LRFN3: variants seen among roughly 807,000 people sequenced by gnomAD.
LRFN3 encodes leucine rich repeat and fibronectin type III domain containing 3.
A neutral mutation model predicts 23.8 loss-of-function variants in LRFN3; 8 were observed. That is an observed-to-expected ratio of 0.34 (90% CI 0.20 to 0.61). The LOEUF is 0.61. Ranked by LOEUF, LRFN3 falls within the 20% of genes least tolerant of loss-of-function variation. LRFN3 has a pLI of 0.80. For missense variants in LRFN3, 736 were observed against 935.3 expected (o/e 0.79, Z 2.78); for synonymous variants, 451 against 450.6 (o/e 1.00, Z -0.01).
At chr19:35,938,438 G>A (rs527566438) in intron 1 of LRFN3, among the ~76,000 whole-genome samples, 4 of 129,478 alleles carry the variant, frequency 3.1e-5, no homozygotes, top group Admixed American at 7.8e-5. Flanking sequence ...CTTTTCTCTC[G>A]CTCGCTGATG....
At chr19:35,941,251 G>A (rs1376390073) in intron 2 of LRFN3, among the ~76,000 whole-genome samples, 1 of 150,260 alleles carries the variant, frequency 6.7e-6, no homozygotes, top group Non-Finnish European at 1.5e-5. Flanking sequence ...AGTAATCAGG[G>A]CAGAAGAATA....
In LRFN3 at chr19:35,939,041, C is replaced by T. The variant is rs1258507832; in HGVS notation, c.-16-369C>T. 6.6e-6 allele frequency among the ~76,000 whole-genome samples: 1 copy of T among 152,200 alleles called. No individual in the cohort carries two copies. The highest frequency in any genetic ancestry group is 1.5e-5 in the Non-Finnish European group (1 of 68,036). On this transcript the variant is annotated intron_variant, in intron 1 of 2. Transcript: ENST00000246529. The surrounding 1 kb of genome is among the most constrained non-coding windows in gnomAD (Gnocchi z 6.4). Reference sequence around the variant, plus strand: ...TGGCGCAATCATAGCTCACTGCAGCCTCAAATTCTTGGGCTCAAATTGATC... The same window carrying T: ...TGGCGCAATCATAGCTCACTGCAGCTTCAAATTCTTGGGCTCAAATTGATC...
At position 35,944,843 on chromosome 19, in the gene LRFN3, G is replaced by C. The variant is rs373655227; in HGVS notation, c.1711G>C (p.Gly571Arg). The C allele has an allele frequency of 6.2e-7, 1 of 1,604,972 alleles. No homozygotes were observed. The highest frequency in any genetic ancestry group is 1.3e-5 in the African/African-American group (1 of 74,958). The change falls in exon 3 of 3, where the codon GGC becomes CGC. Residue 571 changes from glycine to arginine, a missense_variant. This residue lies in a region of LRFN3 where 290 missense variants were observed against 287.4 expected (regional missense o/e 1.01). Coordinates refer to ENST00000246529, the MANE Select transcript of LRFN3 (RefSeq NM_024509.2). This position sits in a 1 kb window ranked among gnomAD's most constrained non-coding sequence, Gnocchi z 4.5. ...RYKVHGGQPP[G>R]KAKIPAPVSS... ...CAAGGTGCACGGCGGCCAGCCCCCCGGCAAGGCCAAGATTCCCGCGCCTGT... is the reference window on the plus strand; with the variant it reads ...CAAGGTGCACGGCGGCCAGCCCCCCCGCAAGGCCAAGATTCCCGCGCCTGT...
chr19:35,938,438 G>T (rs527566438), intron 1 of LRFN3, among the ~76,000 whole-genome samples: 1 of 129,480 alleles, frequency 7.7e-6, no homozygotes, highest in South Asian at 2.5e-4. Context: ...CTTTTCTCTC[G>T]CTCGCTGATG....
At position 35,937,869 on chromosome 19, in the gene LRFN3, C is replaced by T. The variant is rs564482962; in HGVS notation, c.-17+314C>T. ...CTTGTCCACCACTCCTCTCTCTGGG[C>T]TCCTTTCTCCACCTGTCCTCTCAAT... On this transcript the variant is annotated intron_variant, in intron 1 of 2. Transcript: ENST00000246529. 1.9e-3 allele frequency among the ~76,000 whole-genome samples: 284 copies of T among 152,094 alleles called. 1 individual carries two copies. Among genetic ancestry groups the T allele is most frequent in the African/African-American group, 6.6e-3 (275 of 41,472 alleles).
chr19:35,940,622 C>A lies in LRFN3; in HGVS notation c.1197C>A (p.Pro399=). The A allele has an allele frequency of 6.2e-7, 1 of 1,610,102 alleles. No individual in the cohort carries two copies. Among genetic ancestry groups the A allele is most frequent in the South Asian group, 1.1e-5 (1 of 90,982 alleles). The change falls in exon 2 of 3, where the codon CCC becomes CCA. Residue 399 remains proline, a synonymous_variant. Coordinates refer to ENST00000246529, the MANE Select transcript of LRFN3 (RefSeq NM_024509.2). ...PQLANSTSCD[P]PRDGDPDALT... Reference sequence around the variant, plus strand: ...TAGCCAACAGCACCAGCTGTGACCCCCCGCGGGACGGGGATCCTGATGCTC... The same window carrying A: ...TAGCCAACAGCACCAGCTGTGACCCACCGCGGGACGGGGATCCTGATGCTC...
intron 1 of LRFN3, among the ~76,000 whole-genome samples, chr19:35,938,881 C>T (rs1184339476): frequency 6.6e-6 from 1 of 152,190 alleles, no homozygotes; most frequent in East Asian, 1.9e-4. Flanking sequence ...CCAGCTTTTA[C>T]CATCTCTGAC....
At chr19:35,940,876 G>A in intron 2 of LRFN3, 36 bp downstream of exon 2, 5 of 1,493,144 alleles carry the variant, frequency 3.3e-6, no homozygotes, top group Non-Finnish European at 2.7e-6. Context: ...CTTGGGTGGG[G>A]GAGTGAGGCA....
At chr19:35,937,842 C>G (rs1347130608) in intron 1 of LRFN3, among the ~76,000 whole-genome samples, 1 of 152,202 alleles carries the variant, frequency 6.6e-6, no homozygotes, top group East Asian at 1.9e-4. Flanking sequence ...TCCGCCACCT[C>G]TCTTGTCCAC....
Position 35,945,055 on chromosome 19 carries a change from A to G in LRFN3, c.*36A>G. ...CCCCCTCTAAGGGTCCTCTGGCCCC[A>G]CGGACAGCAGGACCCGGACACCCTG... On this transcript the variant is annotated 3_prime_UTR_variant, in exon 3 of 3. Coordinates refer to ENST00000246529, the MANE Select transcript of LRFN3 (RefSeq NM_024509.2). 4.0e-6 allele frequency: 5 copies of G among 1,236,796 alleles called. No individual in the cohort carries two copies. Among genetic ancestry groups the G allele is most frequent in the Non-Finnish European group, 5.3e-6 (5 of 950,112 alleles). 76.6% of individuals were successfully genotyped at this position (1,236,796 alleles called of 1,614,324 possible). A position where few individuals can be genotyped will look rare whatever the true frequency, so the allele number is the denominator to read the frequency against.
chr19:35,940,984 A>G lies in LRFN3; in HGVS notation c.1415+144A>G, dbSNP rs79200626. On this transcript the variant is annotated intron_variant, in intron 2 of 2. Transcript: ENST00000246529. Reference sequence around the variant, plus strand: ...CAAAAGAAATCAGAGAGCAAAAGTAAAAGAAATCAGGCAGCAAGGATAACA... The same window carrying G: ...CAAAAGAAATCAGAGAGCAAAAGTAGAAGAAATCAGGCAGCAAGGATAACA... 2,431 of 1,275,308 alleles carry G rather than the reference A, an allele frequency of 1.9e-3. 37 individuals are homozygous for G. The African/African-American group carries it at 0.031, about 17-fold the overall frequency. The allele number at this position is 1,275,308 out of a possible 1,614,324, so 79.0% of individuals were successfully genotyped here.
At chr19:35,942,747 G>A (rs1048486093) in intron 2 of LRFN3, among the ~76,000 whole-genome samples, 2 of 152,008 alleles carry the variant, frequency 1.3e-5, no homozygotes, top group African/African-American at 2.4e-5. Flanking sequence ...CACACAAGTC[G>A]GCCAGGCGCG....
rs914134840 is a variant in LRFN3, at chr19:35,946,209, C to T, written c.*1190C>T. Among the ~76,000 whole-genome samples, 1 of 151,978 alleles carries T rather than the reference C, an allele frequency of 6.6e-6. No homozygotes were observed. Among genetic ancestry groups the T allele is most frequent in the Non-Finnish European group, 1.5e-5 (1 of 67,990 alleles). Reference sequence around the variant, plus strand: ...TGGCATTCAGGAGGGTGCAGGACCCCTGGTCTGAGGCTGAAGCTGGAAATA... The same window carrying T: ...TGGCATTCAGGAGGGTGCAGGACCCTTGGTCTGAGGCTGAAGCTGGAAATA... On this transcript the variant is annotated 3_prime_UTR_variant, in exon 3 of 3. Coordinates refer to ENST00000246529, the MANE Select transcript of LRFN3 (RefSeq NM_024509.2).
chr19:35,941,358 C>A (rs1177840309), intron 2 of LRFN3, among the ~76,000 whole-genome samples: 1 of 152,070 alleles, frequency 6.6e-6, no homozygotes, highest in East Asian at 1.9e-4. Flanking sequence ...TTCCAGATGA[C>A]AGGACTAGAT....
chr19:35,941,586 T>G (rs1976122484), intron 2 of LRFN3, among the ~76,000 whole-genome samples: 1 of 152,158 alleles, frequency 6.6e-6, no homozygotes. Flanking sequence ...TTTTTTTTTT[T>G]GAGACAGGGT....
chr19:35,940,249 C>A lies in LRFN3; in HGVS notation c.824C>A (p.Pro275Gln). 6.2e-7 allele frequency: 1 copy of A among 1,606,084 alleles called. No homozygotes were observed. ...GACGACCTCGAGGCCTGCGCGTCCC[C>A]ACCTGCTCTGGGCGGCCGCTACTTC... The part of the protein sequence containing the change: ...REDDLEACAS[P>Q]PALGGRYFWA... The change falls in exon 2 of 3, where the codon CCA (proline) becomes CAA (glutamine). Residue 275 changes from proline (P) to glutamine (Q), a missense_variant. By Grantham distance (76) the Pro-to-Gln change is moderately conservative. Transcript: ENST00000246529.
rs753003255 is a variant in LRFN3, at chr19:35,944,918, C to T, written c.1786C>T (p.Pro596Ser). The change falls in exon 3 of 3, where the codon CCC becomes TCC. Residue 596 changes from proline to serine, a missense_variant. Transcript: ENST00000246529. This position sits in a 1 kb window ranked among gnomAD's most constrained non-coding sequence, Gnocchi z 4.5. ...TNGALGPTPT[P>S]APPAPEPAAL... is the part of the protein sequence containing the mutation. ...CGGCGCCCTGGGCCCCACGCCCACG[C>T]CCGCCCCGCCCGCCCCGGAGCCCGC... The T allele has an allele frequency of 5.2e-6, 8 of 1,535,196 alleles. No homozygotes were observed. Among genetic ancestry groups the T allele is most frequent in the Middle Eastern group, 2.2e-4 (1 of 4,500 alleles).
rs777540428 is a variant in LRFN3 at position 35,944,844 on chromosome 19, G to T, written c.1712G>T (p.Gly571Val). 81 of 1,604,498 alleles carry T rather than the reference G, an allele frequency of 5.0e-5. No individual in the cohort carries two copies. The highest frequency in any genetic ancestry group is 6.6e-5 in the Non-Finnish European group (78 of 1,179,084). ...AAGGTGCACGGCGGCCAGCCCCCCG[G>T]CAAGGCCAAGATTCCCGCGCCTGTT... ...RYKVHGGQPP[G>V]KAKIPAPVSS... Residue 571 changes from glycine to valine, a missense_variant, in exon 3 of 3, where the codon GGC (glycine) becomes GTC (valine). Physicochemically the swap from Gly to Val is moderately radical, Grantham distance 109 (BLOSUM62 -3). Around this residue, in one of 2 missense-constraint regions of LRFN3, gnomAD observed 290 missense variants for 287.4 expected, o/e 1.01. Coordinates refer to ENST00000246529, the MANE Select transcript of LRFN3 (RefSeq NM_024509.2). The surrounding 1 kb of genome is among the most constrained non-coding windows in gnomAD (Gnocchi z 4.5).
rs1484933032 is a variant in LRFN3 at position 35,939,045 on chromosome 19, A to G, written c.-16-365A>G. Among the ~76,000 whole-genome samples the G allele has an allele frequency of 1.3e-5, 2 of 152,044 alleles. No individual in the cohort carries two copies. The highest frequency in any genetic ancestry group is 2.9e-5 in the Non-Finnish European group (2 of 68,008). On this transcript the variant is annotated intron_variant, in intron 1 of 2. Transcript: ENST00000246529. This position sits in a 1 kb window ranked among gnomAD's most constrained non-coding sequence, Gnocchi z 6.4. ...GCAATCATAGCTCACTGCAGCCTCA[A>G]ATTCTTGGGCTCAAATTGATCCTCC...
Sources: gnomAD v4.1 joint callset for allele counts (sites outside exome capture counted in the v4.1 genomes callset) on GRCh38, gnomAD v4.1.1 for gene constraint, gnomAD v4.1.1 regional missense constraint, Gnocchi (gnomAD v3.1) non-coding constraint, MANE v1.5 for transcripts, NCBI Gene and HGNC (gene_info 2026-07-23, HGNC 2026-07-21) for gene names.